Variants in SNX14 observed in about 807,000 individuals in gnomAD.
SNX14 encodes the protein sorting nexin 14.
Under a neutral mutation model 133.8 loss-of-function variants are expected in SNX14, and 93 were observed. The observed-to-expected ratio is 0.70, with a 90% CI of 0.59 to 0.83. The LOEUF (loss-of-function observed/expected upper bound fraction) is 0.83, where lower values mean the gene tolerates loss of function less well. Ranked by LOEUF, SNX14 falls within the 40% of genes least tolerant of loss-of-function variation. The probability of loss-of-function intolerance (pLI) is 0.00; values close to 1 mark genes in which losing one functional copy is unlikely to be tolerated. For missense variants in SNX14, 945 were observed against 1,094.9 expected (o/e 0.86, Z 1.93); for synonymous variants, 368 against 365.6 (o/e 1.01, Z -0.07).
intron 6 of SNX14, among the ~76,000 whole-genome samples, chr6:85,562,582 C>CTTTTTT (rs201175458): frequency 3.3e-4 from 31 of 94,854 alleles, no homozygotes; most frequent in South Asian, 7.0e-4. Context: ...ACTTTTTGGG[C>CTTTTTT]TTTTTTTTTT....
intron 23 of SNX14, among the ~76,000 whole-genome samples, chr6:85,516,466 T>G (rs953096331): frequency 1.3e-5 from 2 of 152,012 alleles, no homozygotes; most frequent in African/African-American, 4.8e-5. Context: ...CAAACAAAAC[T>G]GGAGGCCTAG....
chr6:85,530,644 CAAA>C (rs761608276), intron 18 of SNX14, among the ~76,000 whole-genome samples: 4 of 72,240 alleles, frequency 5.5e-5, no homozygotes, highest in Non-Finnish European at 3.0e-5. Context: ...GACTCTGTCT[CAAA>C]AAAAAAAAAA....
At chr6:85,539,293 A>G (rs1156619661) in intron 15 of SNX14, among the ~76,000 whole-genome samples, 1 of 152,196 alleles carries the variant, frequency 6.6e-6, no homozygotes, top group Non-Finnish European at 1.5e-5. Context: ...CTGAGCCACC[A>G]AAAACCTGGC....
chr6:85,508,498 A>G, intron 26 of SNX14: 6 of 479,562 alleles, frequency 1.3e-5, no homozygotes, highest in African/African-American at 2.1e-5. Context: ...GCCGACTTCT[A>G]CCCAGTGGGC....
chr6:85,529,998 C>CA (rs753797839), intron 19 of SNX14, among the ~76,000 whole-genome samples, 194 bp downstream of exon 19: 17 of 151,884 alleles, frequency 1.1e-4, no homozygotes, highest in Non-Finnish European at 2.2e-4. Flanking sequence ...ATGTACATTG[C>CA]AAGAACTTTA....
rs182781546 is a variant in SNX14, at chr6:85,517,139, G to A, written c.2268+617C>T. On this transcript the variant is annotated intron_variant, in intron 23 of 28. Transcript: ENST00000314673. The stretch of plus-strand genomic sequence containing the variant: ...AAACTAATGTTAAGTCTAGCAAGAC[G>A]ACTAAATAAAAATTTTCTATCTATA... Among the ~76,000 whole-genome samples the A allele has an allele frequency of 6.6e-5, 10 of 152,152 alleles. No individual in the cohort carries two copies. The East Asian group carries it at 1.7e-3, about 26-fold the overall frequency.
intron 21 of SNX14, among the ~76,000 whole-genome samples, chr6:85,518,287 A>G (rs1412246382): frequency 6.6e-6 from 1 of 152,152 alleles, no homozygotes; most frequent in Non-Finnish European, 1.5e-5. Context: ...GTGGTGGGAG[A>G]AGGGATGGAA....
At chr6:85,582,249 T>C (rs552528132) in intron 1 of SNX14, among the ~76,000 whole-genome samples, 1 of 152,164 alleles carries the variant, frequency 6.6e-6, no homozygotes, top group South Asian at 2.1e-4. Context: ...CCTAGAGTAG[T>C]ATATCCAGCA....
At chr6:85,583,004 A>G (rs772086943) in intron 1 of SNX14, among the ~76,000 whole-genome samples, 3 of 152,232 alleles carry the variant, frequency 2.0e-5, no homozygotes, top group Non-Finnish European at 4.4e-5. Context: ...CCTGATGAAC[A>G]TCGATGCGAA....
chr6:85,543,756 T>C lies in SNX14; in HGVS notation c.1113A>G (p.Glu371=), dbSNP rs370902470. 4.5e-6 allele frequency: 7 copies of C among 1,539,722 alleles called. No individual in the cohort carries two copies. Among genetic ancestry groups the C allele is most frequent in the Non-Finnish European group, 3.5e-6 (4 of 1,141,114 alleles). The change falls in exon 13 of 29, where the codon GAA becomes GAG. Residue 371 remains glutamate (E), a synonymous_variant. Coordinates refer to ENST00000314673, the MANE Select transcript of SNX14 (RefSeq NM_153816.6). ...HVLQFCLTVE[E]FNDRILRPEL... is the part of the protein sequence containing the mutation. Reference sequence around the variant, plus strand: ...CTGGTCGTAAAATTCTATCATTAAATTCCTCTAACAAATGAGGGAATGAAT... The same window carrying C: ...CTGGTCGTAAAATTCTATCATTAAACTCCTCTAACAAATGAGGGAATGAAT...
At chr6:85,524,141 C>T (rs1777809284) in intron 21 of SNX14, among the ~76,000 whole-genome samples, 1 of 151,918 alleles carries the variant, frequency 6.6e-6, no homozygotes, top group African/African-American at 2.4e-5. Flanking sequence ...AAGATGGCAC[C>T]ACTGCACTCC....
intron 4 of SNX14, among the ~76,000 whole-genome samples, chr6:85,571,440 G>T (rs1207712330): frequency 6.6e-6 from 1 of 151,820 alleles, no homozygotes; most frequent in African/African-American, 2.4e-5. Flanking sequence ...ATACAAAATG[G>T]GATAAAGAAC....
In SNX14 at chr6:85,536,824, T is replaced by TG; in HGVS notation, c.1575_1576insC (p.Asn526GlnfsTer6). On this transcript the variant is annotated frameshift_variant, in exon 17 of 29. Coordinates refer to ENST00000314673, the MANE Select transcript of SNX14 (RefSeq NM_153816.6). LOFTEE classifies it high-confidence loss of function. ...TCTTCACCTTCAGCTACACCATAAT[T>TG]AGGCAACATAGCTCCCTCCATTGTG... 6.2e-7 allele frequency: 1 copy of TG among 1,613,032 alleles called. No homozygotes were observed.
intron 23 of SNX14, among the ~76,000 whole-genome samples, chr6:85,515,582 G>A (rs1774683954): frequency 6.6e-6 from 1 of 152,064 alleles, no homozygotes. Flanking sequence ...ACCTGAAGAT[G>A]AATTTTTTAA....
intron 25 of SNX14, 48 bp downstream of exon 25, chr6:85,514,022 A>G (rs1433379541): frequency 6.3e-7 from 1 of 1,575,210 alleles, no homozygotes; most frequent in Admixed American, 1.9e-5. Flanking sequence ...TTCAATTAAA[A>G]TCATAGAGTA....
intron 20 of SNX14, among the ~76,000 whole-genome samples, chr6:85,527,445 G>C (rs1324327664): frequency 6.6e-6 from 1 of 151,400 alleles, no homozygotes; most frequent in Non-Finnish European, 1.5e-5. Context: ...TCAGAGACAG[G>C]AAATAAAGTG....
intron 26 of SNX14, among the ~76,000 whole-genome samples, chr6:85,509,244 C>T (rs1771885879): frequency 6.6e-6 from 1 of 152,128 alleles, no homozygotes; most frequent in Non-Finnish European, 1.5e-5. Context: ...TAACAAATTA[C>T]TATATTCTCT....
intron 4 of SNX14, among the ~76,000 whole-genome samples, chr6:85,571,398 A>C (rs181711956): frequency 3.3e-5 from 5 of 152,146 alleles, no homozygotes; most frequent in African/African-American, 1.2e-4. Context: ...GCAAAGAAAA[A>C]AATGCCAAAT....
At chr6:85,585,042 A>T (rs1800245630) in intron 1 of SNX14, among the ~76,000 whole-genome samples, 1 of 152,234 alleles carries the variant, frequency 6.6e-6, no homozygotes, top group Non-Finnish European at 1.5e-5. Flanking sequence ...TCACCATGAA[A>T]TACTAGGCAG....
Sources: gnomAD v4.1 joint callset for allele counts (sites outside exome capture counted in the v4.1 genomes callset) on GRCh38, gnomAD v4.1.1 for gene constraint, MANE v1.5 for transcripts, NCBI Gene and HGNC (gene_info 2026-07-23, HGNC 2026-07-21) for gene names.